Variants in DTWD2 observed in about 807,000 individuals in gnomAD.
DTWD2 encodes the protein DTW motif tRNA-uridine aminocarboxypropyltransferase 2, also known as tRNA-uridine aminocarboxypropyltransferase 2.
DTWD2 carries 39 observed loss-of-function variants against 31.8 expected under a neutral mutation model. The observed-to-expected ratio is 1.22, with a 90% CI of 0.95 to 1.60. DTWD2 has a LOEUF of 1.60. Among genes scored for constraint, DTWD2 ranks in the 40% most tolerant of loss-of-function variants. DTWD2 has a pLI of 0.00. For synonymous variants in DTWD2, 180 were observed against 142.8 expected, an observed-to-expected ratio of 1.26 and a Z score of -1.86; for missense variants, 515 against 381.5, an observed-to-expected ratio of 1.35 and a Z score of -2.92.
chr5:118,865,473 A>AT (rs1338039741), intron 4 of DTWD2, among the ~76,000 whole-genome samples: 1 of 152,208 alleles, frequency 6.6e-6, no homozygotes, highest in Non-Finnish European at 1.5e-5. Flanking sequence ...AATCATACAT[A>AT]TAAATACATA....
At chr5:118,983,774 G>A (rs1035160706) in intron 1 of DTWD2, among the ~76,000 whole-genome samples, 5 of 152,196 alleles carry the variant, frequency 3.3e-5, no homozygotes, top group African/African-American at 1.2e-4. Context: ...TCAAGTACTT[G>A]CATGAGCTAG....
chr5:118,864,523 G>C (rs1752340442), intron 4 of DTWD2, among the ~76,000 whole-genome samples: 1 of 142,572 alleles, frequency 7.0e-6, no homozygotes, highest in Admixed American at 7.0e-5. Context: ...CTAAAACTTA[G>C]AGTATTAAAA....
chr5:118,859,102 T>C (rs1752201361), intron 4 of DTWD2, among the ~76,000 whole-genome samples: 1 of 152,104 alleles, frequency 6.6e-6, no homozygotes, highest in African/African-American at 2.4e-5. Flanking sequence ...TGGTTGAGCA[T>C]CTATTGATAA....
rs1368796245 is a variant in DTWD2, at chr5:118,866,004, GTGTGTGTGTGTGTGTC to G, written c.598-17802_598-17787del. 4.9e-3 allele frequency among the ~76,000 whole-genome samples: 738 copies of G among 152,036 alleles called. 2 individuals are homozygous for G. The highest frequency in any genetic ancestry group is 0.017 in the African/African-American group (702 of 41,474). On this transcript the variant is annotated intron_variant, in intron 4 of 5. Transcript: ENST00000510708. ...GAGGTACGTGTGTCTGCGTGTGTGT[GTGTGTGTGTGTGTGTC>G]TGTGTGTGTGTCTGTTAGTGATTTC...
At chr5:118,901,821 T>A (rs78335943) in intron 4 of DTWD2, among the ~76,000 whole-genome samples, 4,850 of 152,268 alleles carry the variant, frequency 0.032, 275 homozygotes, top group African/African-American at 0.11. Flanking sequence ...TTGCTCAGGC[T>A]GATCTTGAAC....
chr5:118,971,718 T>A (rs1438979403), intron 1 of DTWD2, among the ~76,000 whole-genome samples: 4 of 152,084 alleles, frequency 2.6e-5, no homozygotes, highest in Non-Finnish European at 5.9e-5. Flanking sequence ...CAAAAATTGA[T>A]CACATAATTG....
intron 1 of DTWD2, among the ~76,000 whole-genome samples, chr5:118,968,600 C>G (rs1754907931): frequency 2.6e-5 from 4 of 152,182 alleles, no homozygotes; most frequent in Admixed American, 2.6e-4. Context: ...CACGTTTTTC[C>G]CATAGATCTT....
chr5:118,860,079 C>T (rs1340693857), intron 4 of DTWD2, among the ~76,000 whole-genome samples: 3 of 151,910 alleles, frequency 2.0e-5, no homozygotes, highest in African/African-American at 7.3e-5. Flanking sequence ...GATCATTCCA[C>T]TGTACTCCAG....
rs57935306 is a variant in DTWD2, at chr5:118,944,535, A to C, written c.309+24T>G. 8.2e-3 allele frequency: 13,205 copies of C among 1,605,134 alleles called. 793 individuals are homozygous for C. In the African/African-American group the frequency reaches 0.14, roughly 17 times the overall value. ...CTTGTGGACTCATATTCTATTTGAA[A>C]TCCTGTATTTTACAAAATCTTACCT... is the stretch of plus-strand genomic sequence containing the variant. On this transcript the variant is annotated intron_variant, in intron 2 of 5. Transcript: ENST00000510708.
chr5:118,919,351 T>A (rs771975309), intron 4 of DTWD2, among the ~76,000 whole-genome samples: 1 of 152,190 alleles, frequency 6.6e-6, no homozygotes, highest in Non-Finnish European at 1.5e-5. Context: ...AAGAAAACGG[T>A]CTCTAGGTTT....
At chr5:118,859,119 C>T (rs576039001) in intron 4 of DTWD2, among the ~76,000 whole-genome samples, 1 of 151,962 alleles carries the variant, frequency 6.6e-6, no homozygotes, top group Non-Finnish European at 1.5e-5. Context: ...ATAATCTCTT[C>T]CTAAAACTAT....
chr5:118,988,483 A>G lies in DTWD2; in HGVS notation c.29T>C (p.Leu10Pro). 10 of 1,600,822 alleles carry G rather than the reference A, an allele frequency of 6.2e-6. No homozygotes were observed. The highest frequency in any genetic ancestry group is 1.1e-5 in the South Asian group (1 of 90,074). Residue 10 changes from leucine (L) to proline (P), a missense_variant, in exon 1 of 6, where the codon CTC becomes CCC. Coordinates refer to ENST00000510708, the MANE Select transcript of DTWD2 (RefSeq NM_173666.4). MESQKEARTLQEPVARPSGA... is the reference protein window; with the variant it reads MESQKEARTPQEPVARPSGA... ...AGAAGGCCGCGCAACGGGCTCCTGG[A>G]GTGTTCGTGCCTCTTTCTGCGACTC... is the stretch of plus-strand genomic sequence containing the variant.
chr5:118,851,817 T>A (rs1001059962), intron 4 of DTWD2, among the ~76,000 whole-genome samples: 13 of 149,014 alleles, frequency 8.7e-5, no homozygotes, highest in Non-Finnish European at 1.6e-4. Flanking sequence ...TGTGCACATG[T>A]ACCCTAAAAC....
intron 1 of DTWD2, among the ~76,000 whole-genome samples, chr5:118,967,683 T>C (rs1277766647): frequency 1.3e-5 from 2 of 152,106 alleles, no homozygotes; most frequent in African/African-American, 2.4e-5. Context: ...CATACAGATA[T>C]AAGCAAATAA....
intron 4 of DTWD2, among the ~76,000 whole-genome samples, chr5:118,897,518 A>G (rs1409775714): frequency 6.6e-6 from 1 of 152,234 alleles, no homozygotes; most frequent in Non-Finnish European, 1.5e-5. Flanking sequence ...GTATCAGTGC[A>G]GGAAATTTTA....
Position 118,838,683 on chromosome 5 carries a change from G to C in DTWD2, c.*2234C>G, listed in dbSNP as rs1751632956. ...TACAGTGAGTTAACAGGTCAGTAAA[G>C]TAATTTGGAAAACTATACATACTTC... On this transcript the variant is annotated 3_prime_UTR_variant, in exon 6 of 6. Coordinates refer to ENST00000510708, the MANE Select transcript of DTWD2 (RefSeq NM_173666.4). 1 of 152,000 alleles carries C rather than the reference G, an allele frequency of 6.6e-6. No homozygotes were observed. The highest frequency in any genetic ancestry group is 1.5e-5 in the Non-Finnish European group (1 of 68,000). 9.4% of individuals were successfully genotyped at this position (152,000 alleles called of 1,614,324 possible). A position where few individuals can be genotyped will look rare whatever the true frequency, so the allele number is the denominator to read the frequency against.
rs1460085402 is a variant in DTWD2 at position 118,964,897 on chromosome 5, G to T, written c.219-20248C>A. ...AAGTGAGGAGCATCTCTGCCTGGCCGCCCATCGTCTGGGATGTGAGGAGCC... is the reference window on the plus strand; with the variant it reads ...AAGTGAGGAGCATCTCTGCCTGGCCTCCCATCGTCTGGGATGTGAGGAGCC... On this transcript the variant is annotated intron_variant, in intron 1 of 5. Transcript: ENST00000510708. Among the ~76,000 whole-genome samples the T allele has an allele frequency of 9.2e-5, 14 of 152,234 alleles. No homozygotes were observed. In the East Asian group the frequency reaches 2.7e-3, roughly 30 times the overall value.
intron 4 of DTWD2, among the ~76,000 whole-genome samples, chr5:118,869,151 T>C (rs1752446444): frequency 1.3e-5 from 2 of 152,026 alleles, no homozygotes; most frequent in African/African-American, 2.4e-5. Context: ...GGTTGTAAAA[T>C]ATGAGTGTAC....
intron 4 of DTWD2, among the ~76,000 whole-genome samples, chr5:118,856,764 CTTTT>C (rs68175368): frequency 9.0e-5 from 4 of 44,340 alleles, no homozygotes; most frequent in South Asian, 2.3e-3. Flanking sequence ...TTGAGGCTTA[CTTTT>C]TTTTTTTTTT....
Sources: gnomAD v4.1 joint callset for allele counts (sites outside exome capture counted in the v4.1 genomes callset) on GRCh38, gnomAD v4.1.1 for gene constraint, MANE v1.5 for transcripts, NCBI Gene and HGNC (gene_info 2026-07-23, HGNC 2026-07-21) for gene names.